Variants in SORCS1 observed in about 807,000 individuals in gnomAD.
The protein encoded by SORCS1 is sortilin related VPS10 domain containing receptor 1, also known as VPS10 domain-containing receptor SorCS1.
A neutral mutation model predicts 146.1 loss-of-function variants in SORCS1; 60 were observed. The ratio of observed to expected loss-of-function variants is 0.41; its 90% CI spans 0.33 to 0.51. SORCS1 has a LOEUF of 0.51. SORCS1 is among the 20% of genes least tolerant of loss of function. The pLI is 0.21. For missense variants in SORCS1, 1,352 were observed against 1,487.6 expected, an observed-to-expected ratio of 0.91 and a Z score of 1.50; for synonymous variants, 637 against 584.0, an observed-to-expected ratio of 1.09 and a Z score of -1.31.
intron 14 of SORCS1, among the ~76,000 whole-genome samples, chr10:106,674,481 A>G (rs920968568): frequency 5.3e-5 from 8 of 151,908 alleles, no homozygotes; most frequent in African/African-American, 1.9e-4. Context: ...AGTTTTCCAA[A>G]GGAAGGAACT....
chr10:107,138,705 G>A (rs1381633561), intron 1 of SORCS1, among the ~76,000 whole-genome samples: 8 of 152,176 alleles, frequency 5.3e-5, no homozygotes, highest in Non-Finnish European at 1.0e-4. Flanking sequence ...CACTTCATGT[G>A]TAGAGTACAT....
chr10:106,759,147 T>C (rs1005706433), intron 5 of SORCS1, among the ~76,000 whole-genome samples: 2 of 152,212 alleles, frequency 1.3e-5, no homozygotes, highest in Non-Finnish European at 2.9e-5. Context: ...TAGAAGTTCA[T>C]ATAAAAGCGA....
At chr10:107,119,967 G>C (rs1388175429) in intron 1 of SORCS1, among the ~76,000 whole-genome samples, 2 of 152,044 alleles carry the variant, frequency 1.3e-5, no homozygotes, top group African/African-American at 4.8e-5. Flanking sequence ...CCCTCACTTA[G>C]AAAAGCTTTC....
intron 5 of SORCS1, among the ~76,000 whole-genome samples, chr10:106,742,524 C>T (rs555526252): frequency 1.8e-4 from 27 of 152,084 alleles, no homozygotes; most frequent in South Asian, 1.3e-3. Flanking sequence ...GGACTATAGG[C>T]GCATGCCACC....
chr10:106,654,413 T>A (rs1379187354), intron 17 of SORCS1, among the ~76,000 whole-genome samples: 1 of 152,202 alleles, frequency 6.6e-6, no homozygotes, highest in African/African-American at 2.4e-5. Flanking sequence ...GCACTGCTAC[T>A]TTAAATGGAG....
At chr10:107,032,869 C>A (rs1958726692) in intron 1 of SORCS1, among the ~76,000 whole-genome samples, 2 of 152,188 alleles carry the variant, frequency 1.3e-5, no homozygotes, top group East Asian at 3.8e-4. Flanking sequence ...AGTCATCAAC[C>A]TAGCAACAAG....
At chr10:107,148,571 C>T (rs1027530987) in intron 1 of SORCS1, among the ~76,000 whole-genome samples, 1 of 152,150 alleles carries the variant, frequency 6.6e-6, no homozygotes, top group Admixed American at 6.5e-5. Flanking sequence ...GTGTAAATTA[C>T]CTCAAATCCT....
intron 2 of SORCS1, among the ~76,000 whole-genome samples, chr10:106,893,848 T>C (rs547408030): frequency 2.6e-5 from 4 of 152,330 alleles, no homozygotes; most frequent in African/African-American, 9.6e-5. Flanking sequence ...GCCAGCAGCA[T>C]GAGGTTGAAT....
chr10:106,681,849 C>T (rs1009295694), intron 10 of SORCS1, among the ~76,000 whole-genome samples: 7 of 152,124 alleles, frequency 4.6e-5, no homozygotes, highest in South Asian at 2.1e-4. Context: ...GATGTCAGGC[C>T]GGGCATGGTG....
chr10:106,869,947 A>C (rs544610002), intron 2 of SORCS1, among the ~76,000 whole-genome samples: 5 of 150,740 alleles, frequency 3.3e-5, no homozygotes, highest in Non-Finnish European at 7.4e-5. Context: ...AAAACCCCAT[A>C]ATTTTGGCCC....
rs768854790 is a variant in SORCS1 at position 106,679,692 on chromosome 10, G to T, written c.1603C>A (p.Pro535Thr). ...LHLHLKVSEN[P>T]YTSGIIASKD... ...CTGGCAATGATCCCTGATGTGTAGG[G>T]ATTCTCAGAGACCTTCAGGTGAAGG... The change falls in exon 11 of 26, where the codon CCC becomes ACC. Residue 535 changes from proline (P) to threonine (T), a missense_variant. Around this residue, in one of 3 missense-constraint regions of SORCS1, gnomAD observed 648 missense variants for 793.8 expected, o/e 0.82. Coordinates refer to ENST00000263054, the MANE Select transcript of SORCS1 (RefSeq NM_052918.5). 5.6e-6 allele frequency: 9 copies of T among 1,612,512 alleles called. No homozygotes were observed. In the Admixed American group the frequency reaches 1.3e-4, roughly 24 times the overall value.
At chr10:107,100,840 C>T (rs1351322634) in intron 1 of SORCS1, among the ~76,000 whole-genome samples, 1 of 151,760 alleles carries the variant, frequency 6.6e-6, no homozygotes. Context: ...TTACACTTCT[C>T]CCTCTTTGAG....
intron 1 of SORCS1, among the ~76,000 whole-genome samples, chr10:107,050,788 T>C (rs984929276): frequency 1.3e-5 from 2 of 152,082 alleles, no homozygotes; most frequent in Non-Finnish European, 2.9e-5. Context: ...TATATATGGT[T>C]TTGCAGGCTA....
chr10:107,036,250 T>C (rs1409346829), intron 1 of SORCS1, among the ~76,000 whole-genome samples: 3 of 152,192 alleles, frequency 2.0e-5, no homozygotes, highest in Non-Finnish European at 2.9e-5. Context: ...TATTTTCTCA[T>C]AGAATTTACA....
At chr10:106,978,749 GAT>G (rs1044554112) in intron 1 of SORCS1, among the ~76,000 whole-genome samples, 3 of 150,236 alleles carry the variant, frequency 2.0e-5, no homozygotes, top group Admixed American at 2.0e-4. Context: ...AGTGAGCTGA[GAT>G]AGTGCCACTG....
rs188359210 is a variant in SORCS1 at position 106,698,443 on chromosome 10, A to G, written c.1413+771T>C. Among the ~76,000 whole-genome samples, 376 of 152,326 alleles carry G rather than the reference A, an allele frequency of 2.5e-3. 5 individuals are homozygous for G. Among genetic ancestry groups the G allele is most frequent in the African/African-American group, 8.6e-3 (359 of 41,574 alleles). On this transcript the variant is annotated intron_variant, in intron 9 of 25. Coordinates refer to ENST00000263054, the MANE Select transcript of SORCS1 (RefSeq NM_052918.5). ...GTTTTCAAATGGCTTATTATAACCT[A>G]TTATAAATCTTTCATAGCGCATGAT...
At chr10:107,156,616 A>C (rs1171271228) in intron 1 of SORCS1, among the ~76,000 whole-genome samples, 1 of 152,246 alleles carries the variant, frequency 6.6e-6, no homozygotes, top group Admixed American at 6.5e-5. Flanking sequence ...AGAAAAAGCT[A>C]CATCTGGTAA....
intron 2 of SORCS1, among the ~76,000 whole-genome samples, chr10:106,891,942 T>C (rs1445082568): frequency 6.6e-6 from 1 of 152,118 alleles, no homozygotes; most frequent in Non-Finnish European, 1.5e-5. Flanking sequence ...AACCATTCCT[T>C]CTTCTACCAC....
the SORCS1 span, among the ~76,000 whole-genome samples, chr10:107,180,780 T>C: frequency 6.6e-6 from 1 of 152,178 alleles, no homozygotes; most frequent in African/African-American, 2.4e-5. Context: ...ATGGTGGGGA[T>C]AGGTTCTCAG....
Sources: allele counts gnomAD v4.1 joint callset (sites outside exome capture counted in the v4.1 genomes callset), GRCh38; gene constraint gnomAD v4.1.1; regional missense constraint gnomAD v4.1.1; transcripts MANE v1.5; gene names NCBI Gene and HGNC (gene_info 2026-07-23, HGNC 2026-07-21).